The following PTPRM variants were observed in gnomAD, a reference collection of about 807,000 sequenced individuals.
PTPRM encodes protein tyrosine phosphatase receptor type M.
PTPRM carries 47 observed loss-of-function variants against 186.7 expected under a neutral mutation model. That is an observed-to-expected ratio of 0.25 (90% CI 0.20 to 0.32). PTPRM has a LOEUF of 0.32. Among genes scored for constraint, PTPRM ranks in the 10% least tolerant of loss-of-function variants. PTPRM has a pLI of 1.00. For synonymous variants in PTPRM, 668 were observed against 674.9 expected (o/e 0.99, Z 0.16); for missense variants, 1,494 against 1,865.0 (o/e 0.80, Z 3.66).
chr18:7,893,411 G>T (rs1415826106), intron 3 of PTPRM, among the ~76,000 whole-genome samples: 1 of 152,026 alleles, frequency 6.6e-6, no homozygotes, highest in Non-Finnish European at 1.5e-5. Flanking sequence ...CATTCTACTT[G>T]TTCTAAGAAT....
intron 2 of PTPRM, among the ~76,000 whole-genome samples, chr18:7,778,976 A>G (rs2042725430): frequency 6.6e-6 from 1 of 152,180 alleles, no homozygotes; most frequent in Non-Finnish European, 1.5e-5. Flanking sequence ...ACCTGGTTTG[A>G]TAATGTGGTA....
chr18:7,642,986 T>G (rs936459419), intron 1 of PTPRM, among the ~76,000 whole-genome samples: 1 of 152,026 alleles, frequency 6.6e-6, no homozygotes. Flanking sequence ...TTGCAGGTTT[T>G]ATAAAACTTA....
At chr18:7,665,810 T>A (rs929760235) in intron 1 of PTPRM, among the ~76,000 whole-genome samples, 5 of 152,004 alleles carry the variant, frequency 3.3e-5, no homozygotes, top group African/African-American at 1.2e-4. Context: ...TAGTCTCAGA[T>A]GCTCAGGAGG....
intron 14 of PTPRM, among the ~76,000 whole-genome samples, chr18:8,208,546 C>T (rs2093960334): frequency 6.6e-6 from 1 of 151,916 alleles, no homozygotes; most frequent in South Asian, 2.1e-4. Context: ...GGGTCTCACT[C>T]TGTCACCTAG....
chr18:8,352,640 T>TC (rs2095540544), intron 23 of PTPRM, among the ~76,000 whole-genome samples: 1 of 121,342 alleles, frequency 8.2e-6, no homozygotes, highest in Admixed American at 8.3e-5. Flanking sequence ...TTCTTTTTTT[T>TC]TTTTTTGGTT....
At chr18:7,852,437 A>G (rs2046907521) in intron 2 of PTPRM, among the ~76,000 whole-genome samples, 1 of 151,962 alleles carries the variant, frequency 6.6e-6, no homozygotes. Context: ...TTAGAAAAGA[A>G]ACAACTTTGG....
At chr18:7,682,432 A>G (rs2039500471) in intron 1 of PTPRM, among the ~76,000 whole-genome samples, 1 of 152,232 alleles carries the variant, frequency 6.6e-6, no homozygotes, top group Non-Finnish European at 1.5e-5. Context: ...AATAAAGAAG[A>G]AAGCCTCTAG....
intron 19 of PTPRM, among the ~76,000 whole-genome samples, chr18:8,294,421 G>A (rs928158909): frequency 7.2e-5 from 11 of 152,124 alleles, no homozygotes; most frequent in African/African-American, 1.9e-4. Flanking sequence ...GAAGAGTGCC[G>A]AGTGAAGGGT....
Position 8,065,850 on chromosome 18 carries a change from T to C in PTPRM, c.1133-3836T>C, listed in dbSNP as rs528204793. On this transcript the variant is annotated intron_variant, in intron 7 of 32. Coordinates refer to ENST00000580170, the MANE Select transcript of PTPRM (RefSeq NM_001105244.2). Reference sequence around the variant, plus strand: ...TTGTATTCTACTCCCAGAAATGCAGTGTGAGTTGCAATTAGCCTACCAAAA... The same window carrying C: ...TTGTATTCTACTCCCAGAAATGCAGCGTGAGTTGCAATTAGCCTACCAAAA... 5.9e-5 allele frequency among the ~76,000 whole-genome samples: 9 copies of C among 152,310 alleles called. No individual in the cohort carries two copies. The East Asian group carries it at 1.7e-3, about 29-fold the overall frequency.
chr18:7,582,594 T>C (rs556734452), intron 1 of PTPRM, among the ~76,000 whole-genome samples: 1 of 152,312 alleles, frequency 6.6e-6, no homozygotes. Context: ...AAATTGGGAC[T>C]TACAGAGGGG....
chr18:7,736,724 C>G (rs2040778212), intron 1 of PTPRM, among the ~76,000 whole-genome samples: 2 of 152,168 alleles, frequency 1.3e-5, no homozygotes, highest in African/African-American at 4.8e-5. Flanking sequence ...TCACAATGTT[C>G]TTCTATACAA....
chr18:8,190,388 G>C (rs1382931575), intron 14 of PTPRM, among the ~76,000 whole-genome samples: 1 of 152,148 alleles, frequency 6.6e-6, no homozygotes, highest in South Asian at 2.1e-4. Flanking sequence ...TTCTGTGCCT[G>C]TCTTCACTTA....
chr18:7,708,065 T>G (rs927213463), intron 1 of PTPRM, among the ~76,000 whole-genome samples: 7 of 152,218 alleles, frequency 4.6e-5, no homozygotes, highest in Non-Finnish European at 1.0e-4. Context: ...AGCTGCTTTA[T>G]TAGGCTCTTT....
chr18:8,287,851 CT>C (rs2094974549), intron 19 of PTPRM, among the ~76,000 whole-genome samples: 1 of 152,176 alleles, frequency 6.6e-6, no homozygotes, highest in African/African-American at 2.4e-5. Flanking sequence ...AACACAGATA[CT>C]TTCAGCTGCC....
intron 23 of PTPRM, among the ~76,000 whole-genome samples, chr18:8,359,716 TG>T (rs913104721): frequency 2.0e-5 from 3 of 152,224 alleles, no homozygotes; most frequent in Non-Finnish European, 4.4e-5. Flanking sequence ...GGTTTTACAG[TG>T]TGGTTCCAGC....
intron 4 of PTPRM, among the ~76,000 whole-genome samples, chr18:7,925,475 G>A (rs184655130): frequency 3.3e-5 from 5 of 152,068 alleles, no homozygotes; most frequent in East Asian, 1.9e-4. Flanking sequence ...TCCTAATTAC[G>A]TTCTGCCCAG....
chr18:7,599,118 G>C (rs1346831677), intron 1 of PTPRM, among the ~76,000 whole-genome samples: 1 of 152,108 alleles, frequency 6.6e-6, no homozygotes, highest in Non-Finnish European at 1.5e-5. Context: ...CTGTTGTTGA[G>C]AAGAAGTAAT....
chr18:8,326,201 A>G (rs570887646), intron 22 of PTPRM, among the ~76,000 whole-genome samples: 19 of 152,022 alleles, frequency 1.2e-4, no homozygotes, highest in East Asian at 1.9e-4. Context: ...CAATTTTTGT[A>G]TTTGTTGCAA....
At chr18:8,366,204 T>C (rs1281310806) in intron 23 of PTPRM, among the ~76,000 whole-genome samples, 2 of 152,174 alleles carry the variant, frequency 1.3e-5, no homozygotes, top group Non-Finnish European at 2.9e-5. Context: ...GCTCCTGCAG[T>C]TGAGCAAACT....
Sources: gnomAD v4.1 joint callset for allele counts (sites outside exome capture counted in the v4.1 genomes callset) on GRCh38, gnomAD v4.1.1 for gene constraint, MANE v1.5 for transcripts, NCBI Gene and HGNC (gene_info 2026-07-23, HGNC 2026-07-21) for gene names.